PPP1R9B: variants seen among roughly 807,000 people sequenced by gnomAD.
PPP1R9B encodes protein phosphatase 1 regulatory subunit 9B.
In PPP1R9B, 17 loss-of-function variants were observed where a neutral mutation model predicts 75.8. That is an observed-to-expected ratio of 0.22 (90% CI 0.15 to 0.34). PPP1R9B has a LOEUF of 0.34. Among genes scored for constraint, PPP1R9B ranks in the 10% least tolerant of loss-of-function variants. The probability of loss-of-function intolerance (pLI) is 1.00; values close to 1 mark genes in which losing one functional copy is unlikely to be tolerated. For missense variants in PPP1R9B, 875 were observed against 1,196.0 expected, an observed-to-expected ratio of 0.73 and a Z score of 3.96; for synonymous variants, 509 against 535.4, an observed-to-expected ratio of 0.95 and a Z score of 0.68.
At chr17:50,145,334 C>T in intron 1 of PPP1R9B, 89 bp from the exon 2 acceptor site, 1 of 1,510,570 alleles carries the variant, frequency 6.6e-7, no homozygotes, top group African/African-American at 1.4e-5. Flanking sequence ...GCTGAGTTAC[C>T]CACCCCATGC....
chr17:50,135,239 G>C lies in PPP1R9B; in HGVS notation c.*92C>G. ...GGGGGAGTCGGGGCACCTGTCCCCA[G>C]GCTGGAAGGGGGAGGGGTGGGGTGT... On this transcript the variant is annotated 3_prime_UTR_variant, in exon 10 of 10. Transcript: ENST00000612501. 1 of 1,108,696 alleles carries C rather than the reference G, an allele frequency of 9.0e-7. No individual in the cohort carries two copies. The highest frequency in any genetic ancestry group is 1.4e-6 in the Non-Finnish European group (1 of 739,906). The allele number at this position is 1,108,696 out of a possible 1,614,324, so 68.7% of individuals were successfully genotyped here.
Position 50,135,448 on chromosome 17 carries a change from C to T in PPP1R9B, c.2401-64G>A, listed in dbSNP as rs943113115. The T allele has an allele frequency of 3.2e-6, 5 of 1,580,022 alleles. No individual in the cohort carries two copies. The African/African-American group carries it at 4.2e-5, about 13-fold the overall frequency. ...CCAGGCATGATCCCAGCCCCTTCCG[C>T]CCCCCGGTGAGGACATGGCATCCCC... On this transcript the variant is annotated intron_variant, in intron 9 of 9. Coordinates refer to ENST00000612501, the MANE Select transcript of PPP1R9B (RefSeq NM_032595.5).
rs2144461357 is a variant in PPP1R9B, at chr17:50,149,721, C to T, written c.793G>A (p.Ala265Thr). Residue 265 changes from alanine (A) to threonine (T), a missense_variant, in exon 1 of 10, where the codon GCC becomes ACC. Ala to Thr is a moderately conservative substitution (Grantham distance 58). Transcript: ENST00000612501. This position sits in a 1 kb window ranked among gnomAD's most constrained non-coding sequence, Gnocchi z 7.2. ...GGGCATCGCTCTTTCTCGGCCGGGG[C>T]ATCCCCCGACGGGGCGGGCGGCGGC... ...PPPPPAPSGDAPAEKERCPAG... is the reference protein window; with the variant it reads ...PPPPPAPSGDTPAEKERCPAG... 7.1e-7 allele frequency: 1 copy of T among 1,408,754 alleles called. No homozygotes were observed. The allele number at this position is 1,408,754 out of a possible 1,614,324, so 87.3% of individuals were successfully genotyped here. A position where few individuals can be genotyped will look rare whatever the true frequency, so the allele number is the denominator to read the frequency against.
At chr17:50,138,193 T>C (rs924343932) in intron 7 of PPP1R9B, among the ~76,000 whole-genome samples, 262 of 135,820 alleles carry the variant, frequency 1.9e-3, no homozygotes, top group Middle Eastern at 0.012. Context: ...TGTGTGTGTG[T>C]GTGCCACGTG....
In PPP1R9B at chr17:50,135,393, C is replaced by T; in HGVS notation, c.2401-9G>A. 2 of 1,613,478 alleles carry T rather than the reference C, an allele frequency of 1.2e-6. No individual in the cohort carries two copies. The highest frequency in any genetic ancestry group is 1.7e-6 in the Non-Finnish European group (2 of 1,179,560). On this transcript the variant is annotated splice_polypyrimidine_tract_variant and intron_variant, in intron 9 of 9. Coordinates refer to ENST00000612501, the MANE Select transcript of PPP1R9B (RefSeq NM_032595.5). ...CCTTCCAGTTCTGAGATCTGGAAAA[C>T]AAAGGAGGGTAGGGGGTCAGGTCTG...
At chr17:50,135,735 G>A in intron 8 of PPP1R9B, 86 bp from the exon 9 acceptor site, 3 of 1,212,876 alleles carry the variant, frequency 2.5e-6, no homozygotes, top group Non-Finnish European at 3.6e-6. Flanking sequence ...GCTTTACCTG[G>A]GCAACTCTGT....
intron 4 of PPP1R9B, 162 bp from the exon 5 acceptor site, chr17:50,140,390 G>A (rs944715587): frequency 3.2e-6 from 3 of 931,916 alleles, no homozygotes; most frequent in Admixed American, 2.9e-5. Context: ...GGGGGAATGA[G>A]GGCCCTTATC....
Position 50,136,202 on chromosome 17 carries a change from G to C in PPP1R9B, c.2074-5C>G. ...CTCCTGCTCCAGGCTCTGCAGCTGA[G>C]AGAGAAAGGCACGGCCCTGGGTTGG... On this transcript the variant is annotated splice_region_variant and splice_polypyrimidine_tract_variant and intron_variant, in intron 7 of 9. Transcript: ENST00000612501. 6.3e-7 allele frequency: 1 copy of C among 1,599,086 alleles called. No individual in the cohort carries two copies. Among genetic ancestry groups the C allele is most frequent in the East Asian group, 2.2e-5 (1 of 44,858 alleles).
chr17:50,149,319 T>C lies in PPP1R9B; in HGVS notation c.1195A>G (p.Ser399Gly). The change falls in exon 1 of 10, where the codon AGT (serine) becomes GGT (glycine). Residue 399 changes from serine to glycine, a missense_variant. Coordinates refer to ENST00000612501, the MANE Select transcript of PPP1R9B (RefSeq NM_032595.5). The surrounding 1 kb of genome is among the most constrained non-coding windows in gnomAD (Gnocchi z 7.2). ...CCCGCAGAGTCCTCCCCGAGCCCACTGTAGGCGCTCACGTCCACCAAGTCC... is the reference window on the plus strand; with the variant it reads ...CCCGCAGAGTCCTCCCCGAGCCCACCGTAGGCGCTCACGTCCACCAAGTCC... The part of the protein sequence containing the change: ...EADLVDVSAY[S>G]GLGEDSAGSA... 6.2e-7 allele frequency: 1 copy of C among 1,613,172 alleles called. No homozygotes were observed. Among genetic ancestry groups the C allele is most frequent in the Non-Finnish European group, 8.5e-7 (1 of 1,179,686 alleles).
At chr17:50,145,779 G>A (rs1731376079) in intron 1 of PPP1R9B, among the ~76,000 whole-genome samples, 3 of 152,028 alleles carry the variant, frequency 2.0e-5, no homozygotes, top group Non-Finnish European at 4.4e-5. Context: ...GGGAGCAGGA[G>A]GGGTGGAAGG....
In PPP1R9B at chr17:50,139,443, GCACCAGCTTCTCGGGCTCCATGTC is replaced by G; in HGVS notation, c.1981_2004del (p.Asp661_Val668del). 2 of 1,606,290 alleles carry G rather than the reference GCACCAGCTTCTCGGGCTCCATGTC, an allele frequency of 1.2e-6. No individual in the cohort carries two copies. Among genetic ancestry groups the G allele is most frequent in the Non-Finnish European group, 1.7e-6 (2 of 1,174,232 alleles). ...CCTCCTCCCACCTCCTTGAACTTGT[GCACCAGCTTCTCGGGCTCCATGTC>G]CACAGGGGACAGTGCATCCTCGTTC... On this transcript the variant is annotated inframe_deletion, in exon 6 of 10. Transcript: ENST00000612501. The surrounding 1 kb of genome is among the most constrained non-coding windows in gnomAD (Gnocchi z 5.0).
intron 7 of PPP1R9B, among the ~76,000 whole-genome samples, chr17:50,136,908 A>G (rs1912247428): frequency 6.6e-6 from 1 of 152,174 alleles, no homozygotes; most frequent in Non-Finnish European, 1.5e-5. Flanking sequence ...AGGCCCCCGC[A>G]GCTGCACAAA....
At chr17:50,138,196 G>GCA (rs1188814267) in intron 7 of PPP1R9B, among the ~76,000 whole-genome samples, 1 of 139,414 alleles carries the variant, frequency 7.2e-6, no homozygotes, top group African/African-American at 2.7e-5. Flanking sequence ...GTGTGTGTGT[G>GCA]CCACGTGTCT....
At chr17:50,145,822 G>A (rs137902115) in intron 1 of PPP1R9B, among the ~76,000 whole-genome samples, 17 of 152,168 alleles carry the variant, frequency 1.1e-4, no homozygotes, top group African/African-American at 3.4e-4. Flanking sequence ...CTGACTTGCC[G>A]CTCAAGTGGA....
chr17:50,135,452 C>T (rs1160091006), intron 9 of PPP1R9B, 68 bp from the exon 10 acceptor site: 1 of 1,580,176 alleles, frequency 6.3e-7, no homozygotes, highest in South Asian at 1.1e-5. Context: ...CTTCCGCCCC[C>T]CGGTGAGGAC....
At position 50,149,807 on chromosome 17, in the gene PPP1R9B, A is replaced by C; in HGVS notation, c.707T>G (p.Val236Gly). The C allele has an allele frequency of 7.0e-7, 1 of 1,420,990 alleles. No homozygotes were observed. The highest frequency in any genetic ancestry group is 9.1e-7 in the Non-Finnish European group (1 of 1,094,536). The allele number at this position is 1,420,990 out of a possible 1,614,324, so 88.0% of individuals were successfully genotyped here. A position where few individuals can be genotyped will look rare whatever the true frequency, so the allele number is the denominator to read the frequency against. Residue 236 changes from valine (V) to glycine (G), a missense_variant, in exon 1 of 10, where the codon GTT becomes GGT. Val to Gly is a moderately radical substitution (Grantham distance 109). Coordinates refer to ENST00000612501, the MANE Select transcript of PPP1R9B (RefSeq NM_032595.5). This position sits in a 1 kb window ranked among gnomAD's most constrained non-coding sequence, Gnocchi z 7.2. The stretch of plus-strand genomic sequence containing the variant: ...GACCAGCTTCGAGTTGACCTGGGGA[A>C]CCCCTGCGGCCCTGGGGAGCCCGGG... ...RGPGLPRAAG[V>G]PQVNSKLVSK...
rs1912312040 is a variant in PPP1R9B, at chr17:50,139,408, C to G, written c.2019+21G>C. The G allele has an allele frequency of 6.2e-7, 1 of 1,611,724 alleles. No homozygotes were observed. The highest frequency in any genetic ancestry group is 1.3e-5 in the African/African-American group (1 of 74,926). On this transcript the variant is annotated intron_variant, in intron 6 of 9. Coordinates refer to ENST00000612501, the MANE Select transcript of PPP1R9B (RefSeq NM_032595.5). This position sits in a 1 kb window ranked among gnomAD's most constrained non-coding sequence, Gnocchi z 5.0. The stretch of plus-strand genomic sequence containing the variant: ...CCTGCCTGCCTTTCCCTCCACCACT[C>G]CAGGGAGCCCCTCCTCCCACCTCCT...
At chr17:50,135,518 C>CACTG in intron 9 of PPP1R9B, 35 bp downstream of exon 9, 1 of 1,596,528 alleles carries the variant, frequency 6.3e-7, no homozygotes, top group Non-Finnish European at 8.6e-7. Flanking sequence ...CTGCTCCCTC[C>CACTG]ACTGGGCCCT....
rs778771836 is a variant in PPP1R9B at position 50,140,105 on chromosome 17, C to T, written c.1854G>A (p.Glu618=). Residue 618 remains glutamate (E), a synonymous_variant, in exon 5 of 10, where the codon GAG becomes GAA. Transcript: ENST00000612501. The part of the protein sequence containing the change: ...MMEQRYAQYG[E]DDEETGEYAT... ...AGGGACTCCCTACCTCCTCGTCATC[C>T]TCCCCATACTGGGCGTATCTCTGCT... The T allele has an allele frequency of 2.5e-6, 4 of 1,613,290 alleles. No homozygotes were observed. Among genetic ancestry groups the T allele is most frequent in the Admixed American group, 3.3e-5 (2 of 59,892 alleles).
Sources: allele counts gnomAD v4.1 joint callset (sites outside exome capture counted in the v4.1 genomes callset), GRCh38; gene constraint gnomAD v4.1.1; non-coding constraint Gnocchi (gnomAD v3.1); transcripts MANE v1.5; gene names NCBI Gene and HGNC (gene_info 2026-07-23, HGNC 2026-07-21).